The following CC2D2B variants were observed in gnomAD, a reference collection of about 807,000 sequenced individuals.
The protein encoded by CC2D2B is coiled-coil and C2 domain containing 2B, also known as protein CC2D2B.
CC2D2B carries 128 observed loss-of-function variants against 161.2 expected under a neutral mutation model. The ratio of observed to expected loss-of-function variants is 0.79; its 90% CI spans 0.69 to 0.92. The LOEUF (loss-of-function observed/expected upper bound fraction) is 0.92, where lower values mean the gene tolerates loss of function less well. CC2D2B is among the 40% of genes least tolerant of loss of function. The pLI is 0.00. For synonymous variants in CC2D2B, 391 were observed against 449.8 expected, an observed-to-expected ratio of 0.87 and a Z score of 1.65; for missense variants, 1,173 against 1,375.1, an observed-to-expected ratio of 0.85 and a Z score of 2.32.
intron 9 of CC2D2B, among the ~76,000 whole-genome samples, chr10:95,942,404 A>T (rs970049487): frequency 6.6e-6 from 1 of 152,004 alleles, no homozygotes; most frequent in African/African-American, 2.4e-5. Context: ...TTTCTCTCTG[A>T]ATTTTAGTTT....
intron 29 of CC2D2B, among the ~76,000 whole-genome samples, chr10:96,015,474 T>TG (rs1456085689): frequency 2.0e-5 from 3 of 151,304 alleles, no homozygotes; most frequent in African/African-American, 4.9e-5. Flanking sequence ...TTTTTGTTTT[T>TG]TTTTTCAACA....
chr10:95,949,915 G>A lies in CC2D2B; in HGVS notation c.821G>A (p.Gly274Glu), dbSNP rs2141342241. Residue 274 changes from glycine to glutamate, a missense_variant, in exon 10 of 35, where the codon GGA becomes GAA. Around this residue, in one of 3 missense-constraint regions of CC2D2B, gnomAD observed 298 missense variants for 261.2 expected, o/e 1.14. Coordinates refer to ENST00000646931, the MANE Select transcript of CC2D2B (RefSeq NM_001349008.3). ...IYRKAVKYDL[G>E]SSFMNKMEGS... Reference sequence around the variant, plus strand: ...TAAAAGGCAGTAAAATATGACCTGGGAAGTTCATTTATGAACAAAATGGAA... The same window carrying A: ...TAAAAGGCAGTAAAATATGACCTGGAAAGTTCATTTATGAACAAAATGGAA... 1 of 398,630 alleles carries A rather than the reference G, an allele frequency of 2.5e-6. No individual in the cohort carries two copies. The highest frequency in any genetic ancestry group is 2.1e-5 in the African/African-American group (1 of 48,696). 24.7% of individuals were successfully genotyped at this position (398,630 alleles called of 1,614,324 possible).
chr10:95,924,758 T>G lies in CC2D2B; in HGVS notation c.175-21T>G. 3 of 1,468,042 alleles carry G rather than the reference T, an allele frequency of 2.0e-6. No homozygotes were observed. The African/African-American group carries it at 4.2e-5, about 21-fold the overall frequency. The allele number at this position is 1,468,042 out of a possible 1,614,324, so 90.9% of individuals were successfully genotyped here. On this transcript the variant is annotated intron_variant, in intron 4 of 34. Coordinates refer to ENST00000646931, the MANE Select transcript of CC2D2B (RefSeq NM_001349008.3). Reference sequence around the variant, plus strand: ...ACAATTATGTCTATTTCTGTAAAGATTTATTTATGTTGTGTTTCAGATTAA... The same window carrying G: ...ACAATTATGTCTATTTCTGTAAAGAGTTATTTATGTTGTGTTTCAGATTAA...
intron 11 of CC2D2B, among the ~76,000 whole-genome samples, chr10:95,961,359 C>T (rs923667943): frequency 6.6e-6 from 1 of 152,156 alleles, no homozygotes; most frequent in Non-Finnish European, 1.5e-5. Flanking sequence ...AAAACCCCAT[C>T]TCTACTAAAA....
Position 95,991,445 on chromosome 10 carries a change from G to T in CC2D2B, c.2455G>T (p.Glu819Ter). 9.3e-7 allele frequency: 1 copy of T among 1,076,066 alleles called. No homozygotes were observed. The highest frequency in any genetic ancestry group is 3.3e-5 in the East Asian group (1 of 30,742). 66.7% of individuals were successfully genotyped at this position (1,076,066 alleles called of 1,614,324 possible). The change falls in exon 21 of 35, where the codon GAA becomes TAA. Residue 819 changes from glutamate (E) to a stop codon, truncating the protein, a stop_gained. Transcript: ENST00000646931. LOFTEE classifies it high-confidence loss of function. ...GTCAGATATTGTGAATGATTATGAA[G>T]AAATTGTATCTACAAGGTAATTGCT... The part of the protein sequence containing the change: ...NLSDIVNDYE[E>*]IVSTSQLTDA...
At chr10:96,027,955 C>T (rs975603249) in intron 34 of CC2D2B, among the ~76,000 whole-genome samples, 3 of 152,134 alleles carry the variant, frequency 2.0e-5, no homozygotes, top group Admixed American at 6.6e-5. Context: ...GGAAACTAGG[C>T]CCCCATATGT....
At chr10:95,923,188 C>T (rs935803564) in intron 3 of CC2D2B, among the ~76,000 whole-genome samples, 4 of 151,970 alleles carry the variant, frequency 2.6e-5, no homozygotes, top group Non-Finnish European at 5.9e-5. Flanking sequence ...CTGACCTGCC[C>T]GCCTCGGCTT....
intron 9 of CC2D2B, among the ~76,000 whole-genome samples, chr10:95,947,097 ATATATATATATATATAT>A (rs2076230681): frequency 3.0e-5 from 1 of 33,430 alleles, no homozygotes; most frequent in Non-Finnish European, 4.9e-5. Flanking sequence ...ATATATATAT[ATATATATATATATATAT>A]TTTTTTTTTT....
Position 95,927,265 on chromosome 10 carries a change from A to ATTTTCATC in CC2D2B, c.270_271insTTTCATCT (p.Glu91PhefsTer11), listed in dbSNP as rs2098541073. ...TCTCCACAGACTGAAGTCTCATTGG[A>ATTTTCATC]TGAAAGTCTTTCATTTTTCATTCTG... is the stretch of plus-strand genomic sequence containing the variant. On this transcript the variant is annotated frameshift_variant, in exon 6 of 35. Coordinates refer to ENST00000646931, the MANE Select transcript of CC2D2B (RefSeq NM_001349008.3). LOFTEE classifies it high-confidence loss of function. 1 of 1,550,632 alleles carries ATTTTCATC rather than the reference A, an allele frequency of 6.4e-7. No homozygotes were observed. The highest frequency in any genetic ancestry group is 8.7e-7 in the Non-Finnish European group (1 of 1,145,810).
In CC2D2B at chr10:95,983,605, G is replaced by A; in HGVS notation, c.2083-1G>A. On this transcript the variant is annotated splice_acceptor_variant, in intron 18 of 34. Coordinates refer to ENST00000646931, the MANE Select transcript of CC2D2B (RefSeq NM_001349008.3). LOFTEE classifies it high-confidence loss of function. ...TTAACTAAAGACTTTGCGTTTTACA[G>A]TACATGAGACTTAAGGGGCAGGATA... is the stretch of plus-strand genomic sequence containing the variant. 8.2e-7 allele frequency: 1 copy of A among 1,224,516 alleles called. No individual in the cohort carries two copies. Among genetic ancestry groups the A allele is most frequent in the Non-Finnish European group, 1.0e-6 (1 of 981,132 alleles). The allele number at this position is 1,224,516 out of a possible 1,614,324, so 75.9% of individuals were successfully genotyped here.
At chr10:95,941,492 G>A (rs1472713655) in intron 9 of CC2D2B, among the ~76,000 whole-genome samples, 1 of 151,876 alleles carries the variant, frequency 6.6e-6, no homozygotes, top group African/African-American at 2.4e-5. Flanking sequence ...ATTTAACTCA[G>A]TAACAAATTA....
intron 6 of CC2D2B, among the ~76,000 whole-genome samples, chr10:95,934,160 C>T (rs566283089): frequency 1.1e-3 from 171 of 152,254 alleles, no homozygotes; most frequent in African/African-American, 3.8e-3. Flanking sequence ...TGAACTTCCC[C>T]GTGGCTTTGT....
At chr10:95,967,911 T>G (rs2076996718) in intron 14 of CC2D2B, among the ~76,000 whole-genome samples, 1 of 152,162 alleles carries the variant, frequency 6.6e-6, no homozygotes, top group East Asian at 1.9e-4. Context: ...ATGTTTCAAC[T>G]TAGGGTTTAT....
chr10:95,907,921 G>C (rs1041414284), upstream of CC2D2B: 4 of 152,448 alleles, frequency 2.6e-5, no homozygotes, highest in African/African-American at 9.6e-5. Context: ...CTCCTGGGTC[G>C]CCGCTACTTG....
At chr10:95,975,183 T>C (rs909430831) in intron 17 of CC2D2B, among the ~76,000 whole-genome samples, 3 of 152,232 alleles carry the variant, frequency 2.0e-5, no homozygotes, top group African/African-American at 7.2e-5. Context: ...TTTAAAAATA[T>C]TATAGTTTTG....
At chr10:95,914,752 T>C (rs1442349881) in intron 2 of CC2D2B, among the ~76,000 whole-genome samples, 3 of 152,168 alleles carry the variant, frequency 2.0e-5, no homozygotes, top group Non-Finnish European at 4.4e-5. Flanking sequence ...AATGCGGAAC[T>C]GTGAGTCAAT....
intron 5 of CC2D2B, among the ~76,000 whole-genome samples, chr10:95,926,907 G>C (rs1264439492): frequency 7.0e-6 from 1 of 142,682 alleles, no homozygotes; most frequent in African/African-American, 2.5e-5. Flanking sequence ...CCAAAAACAA[G>C]GAGAGAAAAG....
chr10:95,934,467 A>C (rs2075741784), intron 6 of CC2D2B, among the ~76,000 whole-genome samples: 2 of 152,034 alleles, frequency 1.3e-5, no homozygotes, highest in Non-Finnish European at 2.9e-5. Flanking sequence ...ACAAACAAAA[A>C]AACCTCTTGA....
In CC2D2B at chr10:96,016,227, T is replaced by C. The variant is rs1345227975; in HGVS notation, c.3543T>C (p.Asn1181=). 1 of 1,612,172 alleles carries C rather than the reference T, an allele frequency of 6.2e-7. No homozygotes were observed. The highest frequency in any genetic ancestry group is 8.5e-7 in the Non-Finnish European group (1 of 1,179,206). The change falls in exon 30 of 35, where the codon AAT becomes AAC. Residue 1181 remains asparagine (N), a synonymous_variant. Coordinates refer to ENST00000646931, the MANE Select transcript of CC2D2B (RefSeq NM_001349008.3). The part of the protein sequence containing the change: ...SEHCISLAIG[N]KEEHAILLCN... ...ACTGCATCAGTTTAGCTATCGGAAATAAGGAGGAGCATGCCATCCTTCTCT... is the reference window on the plus strand; with the variant it reads ...ACTGCATCAGTTTAGCTATCGGAAACAAGGAGGAGCATGCCATCCTTCTCT...
Sources: allele counts gnomAD v4.1 joint callset (sites outside exome capture counted in the v4.1 genomes callset), GRCh38; gene constraint gnomAD v4.1.1; regional missense constraint gnomAD v4.1.1; transcripts MANE v1.5; gene names NCBI Gene and HGNC (gene_info 2026-07-23, HGNC 2026-07-21).